Variants in FAM107B observed in about 807,000 individuals in gnomAD.
The protein encoded by FAM107B is protein FAM107B.
Under a neutral mutation model 31.5 loss-of-function variants are expected in FAM107B, and 21 were observed. That is an observed-to-expected ratio of 0.67 (90% CI 0.47 to 0.96). The LOEUF is 0.96. Ranked by LOEUF, FAM107B falls within the 40% of genes least tolerant of loss-of-function variation. The pLI is 0.00. For synonymous variants in FAM107B, 157 were observed against 141.5 expected, an observed-to-expected ratio of 1.11 and a Z score of -0.78; for missense variants, 452 against 377.1, an observed-to-expected ratio of 1.20 and a Z score of -1.64.
At chr10:14,625,024 A>G (rs1853120563) in intron 2 of FAM107B, among the ~76,000 whole-genome samples, 1 of 152,144 alleles carries the variant, frequency 6.6e-6, no homozygotes, top group Admixed American at 6.5e-5. Context: ...CAGGAGTTTG[A>G]GACCAGCCTG....
intron 1 of FAM107B, among the ~76,000 whole-genome samples, chr10:14,742,689 T>G (rs969330043): frequency 1.9e-4 from 29 of 152,230 alleles, no homozygotes; most frequent in African/African-American, 7.0e-4. Context: ...GGCAAGAAGA[T>G]GCTGGAGAGG....
At chr10:14,603,878 T>TACGGCGCACACGGCCAGGCAGTGC (rs1426043157) in intron 2 of FAM107B, among the ~76,000 whole-genome samples, 1 of 151,120 alleles carries the variant, frequency 6.6e-6, no homozygotes, top group African/African-American at 2.4e-5. Context: ...AGGGCGGGCA[T>TACGGCGCACACGGCCAGGCAGTGC]ACGGCGCACA....
chr10:14,604,731 C>G (rs187596211), intron 2 of FAM107B, among the ~76,000 whole-genome samples: 2 of 151,740 alleles, frequency 1.3e-5, no homozygotes, highest in Non-Finnish European at 2.9e-5. Flanking sequence ...TTCTCACTCC[C>G]TCGTTCCCTC....
intron 2 of FAM107B, among the ~76,000 whole-genome samples, chr10:14,666,924 G>A (rs1854417328): frequency 6.6e-6 from 1 of 152,048 alleles, no homozygotes; most frequent in African/African-American, 2.4e-5. Context: ...TTCCATTAAA[G>A]TACAAGAACA....
intron 2 of FAM107B, among the ~76,000 whole-genome samples, chr10:14,642,978 C>T (rs1022530651): frequency 1.3e-5 from 2 of 152,166 alleles, no homozygotes; most frequent in African/African-American, 4.8e-5. Flanking sequence ...ATTCTTCCAG[C>T]CTCTACCCAT....
At chr10:14,674,202 T>C (rs1158310908) in intron 1 of FAM107B, among the ~76,000 whole-genome samples, 1 of 152,236 alleles carries the variant, frequency 6.6e-6, no homozygotes, top group African/African-American at 2.4e-5. Context: ...AAAGGTTTTA[T>C]GGCTAGTACC....
intron 2 of FAM107B, among the ~76,000 whole-genome samples, chr10:14,590,523 A>T (rs1426425164): frequency 6.6e-6 from 1 of 152,238 alleles, no homozygotes; most frequent in Non-Finnish European, 1.5e-5. Context: ...CGGATGTAGT[A>T]TGTCACCGTG....
intron 2 of FAM107B, among the ~76,000 whole-genome samples, chr10:14,591,036 A>C (rs1378783305): frequency 2.0e-5 from 3 of 151,472 alleles, no homozygotes; most frequent in African/African-American, 7.3e-5. Flanking sequence ...GTATGTTTGC[A>C]GAAGAAAACA....
intron 3 of FAM107B, among the ~76,000 whole-genome samples, chr10:14,525,991 C>T (rs932761415): frequency 2.0e-5 from 3 of 152,190 alleles, no homozygotes; most frequent in Admixed American, 6.5e-5. Context: ...TCCACATCTA[C>T]CTGAACTCTG....
rs1854938354 is a variant in FAM107B at position 14,684,887 on chromosome 10, C to T, written c.412-17196G>A. Among the ~76,000 whole-genome samples, 3 of 151,738 alleles carry T rather than the reference C, an allele frequency of 2.0e-5. No homozygotes were observed. In the South Asian group the frequency reaches 6.2e-4, roughly 31 times the overall value. The stretch of plus-strand genomic sequence containing the variant: ...CCAGGCTGGAGTGCAGGGGAGCAAT[C>T]TTGGCTCACGGCAGCCTCAATCTCC... On this transcript the variant is annotated intron_variant, in intron 1 of 4. Coordinates refer to ENST00000181796, the MANE Select transcript of FAM107B (RefSeq NM_031453.4).
chr10:14,524,164 C>T (rs1219142447), intron 3 of FAM107B, among the ~76,000 whole-genome samples: 3 of 152,020 alleles, frequency 2.0e-5, no homozygotes, highest in East Asian at 1.9e-4. Flanking sequence ...CCCTCAGCCT[C>T]CCGAGGAGCT....
chr10:14,526,594 C>G (rs1360609525), intron 3 of FAM107B, among the ~76,000 whole-genome samples: 1 of 152,196 alleles, frequency 6.6e-6, no homozygotes, highest in African/African-American at 2.4e-5. Context: ...TATCCTTTAT[C>G]TCTAGAACTG....
chr10:14,597,114 T>C (rs1007171995), intron 2 of FAM107B, among the ~76,000 whole-genome samples: 4 of 152,236 alleles, frequency 2.6e-5, no homozygotes, highest in African/African-American at 7.2e-5. Context: ...ACCAGTTTTA[T>C]GTGTTTCAAA....
chr10:14,574,451 C>T (rs1252917112), intron 2 of FAM107B, among the ~76,000 whole-genome samples: 3 of 152,236 alleles, frequency 2.0e-5, no homozygotes, highest in Non-Finnish European at 2.9e-5. Flanking sequence ...ACTGCTCCCA[C>T]ATACACTTGC....
intron 2 of FAM107B, among the ~76,000 whole-genome samples, chr10:14,600,017 C>G (rs1382343720): frequency 6.6e-6 from 1 of 152,198 alleles, no homozygotes; most frequent in Non-Finnish European, 1.5e-5. Flanking sequence ...AACATTACCT[C>G]CTTTTTCTGC....
intron 1 of FAM107B, among the ~76,000 whole-genome samples, chr10:14,712,142 T>C (rs1464641202): frequency 3.3e-5 from 5 of 152,216 alleles, no homozygotes; most frequent in African/African-American, 4.8e-5. Context: ...CACAGATTTA[T>C]TGATAGTTTT....
At chr10:14,536,940 C>T (rs1444233017) in intron 2 of FAM107B, among the ~76,000 whole-genome samples, 1 of 152,094 alleles carries the variant, frequency 6.6e-6, no homozygotes, top group East Asian at 1.9e-4. Flanking sequence ...GTTTTTTCAT[C>T]CCCCGAAAAT....
At chr10:14,661,938 T>TC (rs916739666) in intron 2 of FAM107B, among the ~76,000 whole-genome samples, 4 of 152,306 alleles carry the variant, frequency 2.6e-5, no homozygotes, top group Admixed American at 1.3e-4. Flanking sequence ...CTTTCCCTTG[T>TC]CACTATTAGT....
intron 1 of FAM107B, among the ~76,000 whole-genome samples, chr10:14,753,134 G>C (rs928553173): frequency 6.6e-6 from 1 of 152,150 alleles, no homozygotes; most frequent in Non-Finnish European, 1.5e-5. Context: ...AAGAGTGATC[G>C]TAGTTGTCAG....
Sources: allele counts gnomAD v4.1 joint callset (sites outside exome capture counted in the v4.1 genomes callset), GRCh38; gene constraint gnomAD v4.1.1; transcripts MANE v1.5; gene names NCBI Gene and HGNC (gene_info 2026-07-23, HGNC 2026-07-21).